ZC3H11A: variants seen among roughly 807,000 people sequenced by gnomAD.
ZC3H11A encodes the protein zinc finger CCCH-type containing 11A.
A neutral mutation model predicts 90.8 loss-of-function variants in ZC3H11A; 22 were observed. The ratio of observed to expected loss-of-function variants is 0.24; its 90% CI spans 0.17 to 0.35. ZC3H11A has a LOEUF of 0.35. Among genes scored for constraint, ZC3H11A ranks in the 10% least tolerant of loss-of-function variants. ZC3H11A has a pLI of 1.00. For missense variants in ZC3H11A, 701 were observed against 964.9 expected (o/e 0.73, Z 3.62); for synonymous variants, 294 against 339.8 (o/e 0.87, Z 1.48).
At chr1:203,797,902 G>A (rs200163240) in intron 1 of ZC3H11A, 527 of 1,535,952 alleles carry the variant, frequency 3.4e-4, no homozygotes, top group Non-Finnish European at 4.2e-4. Flanking sequence ...TATCTACCTA[G>A]TACTAGAGCC....
At chr1:203,844,438 G>A (rs1438521087) in intron 12 of ZC3H11A, among the ~76,000 whole-genome samples, 1 of 152,144 alleles carries the variant, frequency 6.6e-6, no homozygotes, top group East Asian at 1.9e-4. Context: ...CAAAGTGCTG[G>A]GATTACAGGT....
At position 203,820,482 on chromosome 1, in the gene ZC3H11A, G is replaced by GTGTGTGTGTGTGTGTGTA. The variant is rs1266406820; in HGVS notation, c.174+1794_174+1795insGTGTGTGTGTGTGTGTAT. Reference sequence around the variant, plus strand: ...TATCACAAATTATGTGTGTGTGTGTGTATATTTTGAGTTGAGACAGAGTCT... The same window carrying GTGTGTGTGTGTGTGTGTA: ...TATCACAAATTATGTGTGTGTGTGTGTGTGTGTGTGTGTGTGTATATATTTTGAGTTGAGACAGAGTCT... On this transcript the variant is annotated intron_variant, in intron 4 of 17. Coordinates refer to ENST00000367210, the MANE Select transcript of ZC3H11A (RefSeq NM_001376342.1). 1.7e-3 allele frequency among the ~76,000 whole-genome samples: 263 copies of GTGTGTGTGTGTGTGTGTA among 151,970 alleles called. 6 individuals carry two copies. In the East Asian group the frequency reaches 0.042, roughly 24 times the overall value.
intron 11 of ZC3H11A, among the ~76,000 whole-genome samples, chr1:203,839,412 A>G (rs1310967068): frequency 6.6e-6 from 1 of 152,200 alleles, no homozygotes. Context: ...TTCTGCTTGT[A>G]TGACTTGCAG....
intron 2 of ZC3H11A, among the ~76,000 whole-genome samples, chr1:203,813,754 C>T (rs1231796750): frequency 6.6e-6 from 1 of 152,048 alleles, no homozygotes. Flanking sequence ...TGTTGGCAAT[C>T]CTTGGCATTC....
intron 1 of ZC3H11A, chr1:203,798,931 T>C: frequency 6.5e-7 from 1 of 1,536,136 alleles, no homozygotes; most frequent in Non-Finnish European, 8.7e-7. Context: ...AAAATTTTCT[T>C]AACTTTAGAG....
chr1:203,796,619 T>C (rs928135581), intron 1 of ZC3H11A: 2 of 396,086 alleles, frequency 5.0e-6, no homozygotes, highest in African/African-American at 4.1e-5. Context: ...TATGTAGGTA[T>C]TGGGGGAAGG....
At chr1:203,806,257 A>G (rs1245877389) in intron 2 of ZC3H11A, 7 of 333,128 alleles carry the variant, frequency 2.1e-5, no homozygotes. Flanking sequence ...CTGAAGAATC[A>G]GTTTATCTTG....
chr1:203,847,832 A>G, intron 13 of ZC3H11A, 145 bp downstream of exon 13: 1 of 1,182,804 alleles, frequency 8.5e-7, no homozygotes. Flanking sequence ...GTTTTTCAGT[A>G]GTGCTATGTA....
chr1:203,806,692 C>A (rs1672458869), intron 2 of ZC3H11A, among the ~76,000 whole-genome samples: 1 of 152,104 alleles, frequency 6.6e-6, no homozygotes, highest in Non-Finnish European at 1.5e-5. Flanking sequence ...CCTTTTTTCG[C>A]TTATCTTGAG....
chr1:203,797,423 T>G, intron 1 of ZC3H11A: 2 of 1,178,162 alleles, frequency 1.7e-6, no homozygotes, highest in Non-Finnish European at 2.3e-6. Context: ...CCATAGAAAC[T>G]GGAGAAAAGG....
chr1:203,817,063 T>G lies in ZC3H11A; in HGVS notation c.-8T>G. ...AGAAGCCACTTCTGATCTAAGAATC[T>G]ACCCAGCATGCCTAATCAAGGAGAA... is the stretch of plus-strand genomic sequence containing the variant. On this transcript the variant is annotated 5_prime_UTR_variant, in exon 3 of 18. Coordinates refer to ENST00000367210, the MANE Select transcript of ZC3H11A (RefSeq NM_001376342.1). 6.2e-7 allele frequency: 1 copy of G among 1,603,350 alleles called. No individual in the cohort carries two copies. Among genetic ancestry groups the G allele is most frequent in the South Asian group, 1.1e-5 (1 of 88,868 alleles).
At chr1:203,816,820 C>T (rs12118237) in intron 2 of ZC3H11A, 106 bp from the exon 3 acceptor site, 253,199 of 411,392 alleles carry the variant, frequency 0.62, 82,385 homozygotes, top group Non-Finnish European at 0.68. Flanking sequence ...TAAGCAAGGT[C>T]GTATTAATAA....
Position 203,842,602 on chromosome 1 carries a change from AGAGGGG to A in ZC3H11A, c.1042+2243_1042+2248del, listed in dbSNP as rs1409292842. ...TGGTGGCATCAGAGGGAGACCGGGG[AGAGGGG>A]GAGGGGGAGGGGGAATCTTTTTTTT... On this transcript the variant is annotated intron_variant, in intron 12 of 17. Transcript: ENST00000367210. Among the ~76,000 whole-genome samples the A allele has an allele frequency of 1.7e-4, 18 of 103,454 alleles. No homozygotes were observed. The South Asian group carries it at 4.0e-3, about 23-fold the overall frequency. 67.9% of individuals were successfully genotyped at this position (103,454 alleles called of 152,430 possible).
At chr1:203,806,071 C>A (rs576460011) in intron 2 of ZC3H11A, 2 of 510,448 alleles carry the variant, frequency 3.9e-6, no homozygotes, top group African/African-American at 1.9e-5. Context: ...TTTTAAAACT[C>A]GCAAGGCTTT....
chr1:203,824,753 G>C lies in ZC3H11A; in HGVS notation c.175-3546G>C, dbSNP rs536232151. On this transcript the variant is annotated intron_variant, in intron 4 of 17. Transcript: ENST00000367210. ...CTCAAGTGCTTTGTAGTGTTGCTGA[G>C]TAGAAGAAAGCTGTGATGTGTCTTA... Among the ~76,000 whole-genome samples the C allele has an allele frequency of 7.6e-4, 115 of 152,204 alleles. 1 individual carries two copies. Among genetic ancestry groups the C allele is most frequent in the African/African-American group, 2.6e-3 (109 of 41,514 alleles).
At chr1:203,845,439 G>A (rs1259026900) in intron 12 of ZC3H11A, among the ~76,000 whole-genome samples, 1 of 152,190 alleles carries the variant, frequency 6.6e-6, no homozygotes, top group Non-Finnish European at 1.5e-5. Context: ...AATATTACAG[G>A]TACCTAAATA....
chr1:203,819,089 TACACACACAC>T lies in ZC3H11A; in HGVS notation c.174+421_174+430del, dbSNP rs200302232. Among the ~76,000 whole-genome samples, 68 of 141,004 alleles carry T rather than the reference TACACACACAC, an allele frequency of 4.8e-4. 1 individual carries two copies. The highest frequency in any genetic ancestry group is 2.6e-3 in the Admixed American group (37 of 14,030). The allele number at this position is 141,004 out of a possible 152,430, so 92.5% of individuals were successfully genotyped here. On this transcript the variant is annotated intron_variant, in intron 4 of 17. Coordinates refer to ENST00000367210, the MANE Select transcript of ZC3H11A (RefSeq NM_001376342.1). ...TCTCAAAAAAAAAAATATATATATA[TACACACACAC>T]ACACACACACACACACACACGTGTA... is the stretch of plus-strand genomic sequence containing the variant.
chr1:203,820,232 C>G (rs58041980), intron 4 of ZC3H11A, among the ~76,000 whole-genome samples: 1 of 147,290 alleles, frequency 6.8e-6, no homozygotes, highest in African/African-American at 2.5e-5. Context: ...GAGACTCCAT[C>G]TCAAGAAAAA....
In ZC3H11A at chr1:203,814,644, T is replaced by C. The variant is rs117053854; in HGVS notation, c.-145-2282T>C. Reference sequence around the variant, plus strand: ...ACGTTCATATGCTTTAGCAGCAGTTTCTTCTAGGCCTTTTCTATCAAGTAC... The same window carrying C: ...ACGTTCATATGCTTTAGCAGCAGTTCCTTCTAGGCCTTTTCTATCAAGTAC... On this transcript the variant is annotated intron_variant, in intron 2 of 17. Coordinates refer to ENST00000367210, the MANE Select transcript of ZC3H11A (RefSeq NM_001376342.1). Among the ~76,000 whole-genome samples the C allele has an allele frequency of 1.8e-4, 27 of 152,300 alleles. No individual in the cohort carries two copies. In the East Asian group the frequency reaches 5.2e-3, roughly 29 times the overall value.
Sources: gnomAD v4.1 joint callset for allele counts (sites outside exome capture counted in the v4.1 genomes callset) on GRCh38, gnomAD v4.1.1 for gene constraint, MANE v1.5 for transcripts, NCBI Gene and HGNC (gene_info 2026-07-23, HGNC 2026-07-21) for gene names.